The following UBTD2 variants were observed in gnomAD, a reference collection of about 807,000 sequenced individuals.
UBTD2 encodes ubiquitin domain-containing protein 2.
A neutral mutation model predicts 19.8 loss-of-function variants in UBTD2; 9 were observed. The ratio of observed to expected loss-of-function variants is 0.46; its 90% CI spans 0.27 to 0.79. UBTD2 has a LOEUF of 0.79. UBTD2 is among the 30% of genes least tolerant of loss of function. The pLI is 0.14. For missense variants in UBTD2, 250 were observed against 300.4 expected (o/e 0.83, Z 1.24); for synonymous variants, 98 against 103.9 (o/e 0.94, Z 0.35).
rs1223132253 is a variant in UBTD2 at position 172,234,248 on chromosome 5, C to T, written c.181G>A (p.Ala61Thr). The change falls in exon 2 of 3, where the codon GCA becomes ACA. Residue 61 changes from alanine to threonine, a missense_variant. Ala to Thr is a moderately conservative substitution (Grantham distance 58, BLOSUM62 0). Coordinates refer to ENST00000393792, the MANE Select transcript of UBTD2 (RefSeq NM_152277.3). The part of the protein sequence containing the change: ...RSKRDEFWDT[A>T]PAFEGRKEIW... The stretch of plus-strand genomic sequence containing the variant: ...TCTTTCCGGCCTTCAAAAGCTGGTG[C>T]TGTATCCCAAAATTCATCCCTCTTG... 6.2e-7 allele frequency: 1 copy of T among 1,614,202 alleles called. No homozygotes were observed. Among genetic ancestry groups the T allele is most frequent in the East Asian group, 2.2e-5 (1 of 44,878 alleles).
Position 172,255,219 on chromosome 5 carries a change from A to G in UBTD2, c.71-20861T>C, listed in dbSNP as rs76336315. 734 of 446,168 alleles carry G rather than the reference A, an allele frequency of 1.6e-3. 2 individuals carry two copies. Among genetic ancestry groups the G allele is most frequent in the African/African-American group, 0.013 (620 of 49,388 alleles). The allele number at this position is 446,168 out of a possible 1,614,324, so 27.6% of individuals were successfully genotyped here. A position where few individuals can be genotyped will look rare whatever the true frequency, so the allele number is the denominator to read the frequency against. On this transcript the variant is annotated intron_variant, in intron 1 of 2. Coordinates refer to ENST00000393792, the MANE Select transcript of UBTD2 (RefSeq NM_152277.3). Reference sequence around the variant, plus strand: ...AGGGGTGCAAATTCCCAGCAGAAGGAGGTGAACTCCGCTTGCTCACCATGA... The same window carrying G: ...AGGGGTGCAAATTCCCAGCAGAAGGGGGTGAACTCCGCTTGCTCACCATGA...
At chr5:172,217,814 G>T in intron 2 of UBTD2, among the ~76,000 whole-genome samples, 1 of 152,140 alleles carries the variant, frequency 6.6e-6, no homozygotes, top group East Asian at 1.9e-4. Context: ...TAATGGGTAT[G>T]CACCTAACCG....
rs1755770123 is a variant in UBTD2 at position 172,283,593 on chromosome 5, T to A, written c.70+3A>T. 7.7e-7 allele frequency: 1 copy of A among 1,305,318 alleles called. No homozygotes were observed. The highest frequency in any genetic ancestry group is 2.5e-5 in the South Asian group (1 of 40,524). 80.9% of individuals were successfully genotyped at this position (1,305,318 alleles called of 1,614,324 possible). The stretch of plus-strand genomic sequence containing the variant: ...CCGAGGCTGCCCCCTGGCGCTCACC[T>A]ACCTCCGGTGCCCTCCGAGTTCTCG... On this transcript the variant is annotated splice_donor_region_variant and intron_variant, in intron 1 of 2. Transcript: ENST00000393792. The surrounding 1 kb of genome is among the most constrained non-coding windows in gnomAD (Gnocchi z 4.3).
chr5:172,282,820 G>C (rs977164544), intron 1 of UBTD2, among the ~76,000 whole-genome samples: 1 of 152,152 alleles, frequency 6.6e-6, no homozygotes, highest in Non-Finnish European at 1.5e-5. Context: ...GTGCGTTCCC[G>C]TGTTAGAAAA....
At position 172,210,246 on chromosome 5, in the gene UBTD2, A is replaced by G. The variant is rs1225986140; in HGVS notation, c.*1584T>C. The G allele has an allele frequency of 6.6e-6, 1 of 152,252 alleles. No individual in the cohort carries two copies. Among genetic ancestry groups the G allele is most frequent in the African/African-American group, 2.4e-5 (1 of 41,476 alleles). 9.4% of individuals were successfully genotyped at this position (152,252 alleles called of 1,614,324 possible). The stretch of plus-strand genomic sequence containing the variant: ...TTACAGATATATTTAATCAGGCAAT[A>G]GGAAATTCAATACCATTTAAACATT... On this transcript the variant is annotated 3_prime_UTR_variant, in exon 3 of 3. Coordinates refer to ENST00000393792, the MANE Select transcript of UBTD2 (RefSeq NM_152277.3).
chr5:172,215,042 G>C (rs1771516139), intron 2 of UBTD2, among the ~76,000 whole-genome samples: 1 of 152,196 alleles, frequency 6.6e-6, no homozygotes, highest in Admixed American at 6.5e-5. Flanking sequence ...CAGACACCCA[G>C]GAGCTGAAAT....
chr5:172,229,437 C>T (rs1441856936), intron 2 of UBTD2, among the ~76,000 whole-genome samples: 2 of 133,662 alleles, frequency 1.5e-5, no homozygotes, highest in South Asian at 2.4e-4. Context: ...GGAGGTGGAG[C>T]TTGCAGTGAG....
At chr5:172,241,052 CTTTTTTT>C (rs35160270) in intron 1 of UBTD2, among the ~76,000 whole-genome samples, 1 of 147,332 alleles carries the variant, frequency 6.8e-6, no homozygotes. Flanking sequence ...CATGAGTTAA[CTTTTTTT>C]TTTTTTTATT....
intron 1 of UBTD2, among the ~76,000 whole-genome samples, chr5:172,266,609 G>A (rs1023689270): frequency 6.6e-6 from 1 of 152,204 alleles, no homozygotes; most frequent in Non-Finnish European, 1.5e-5. Flanking sequence ...CCCAAGAGAG[G>A]AATGAGAAAA....
intron 2 of UBTD2, among the ~76,000 whole-genome samples, chr5:172,217,338 G>T (rs1771563434): frequency 6.7e-6 from 1 of 149,690 alleles, no homozygotes. Context: ...AGAATGGCAT[G>T]AACCCGGGAG....
At chr5:172,238,077 T>C (rs966055540) in intron 1 of UBTD2, among the ~76,000 whole-genome samples, 7 of 152,236 alleles carry the variant, frequency 4.6e-5, no homozygotes, top group Non-Finnish European at 1.0e-4. Flanking sequence ...ACATAGATTA[T>C]CAGCCTGGCA....
chr5:172,232,533 T>C (rs991406128), intron 2 of UBTD2, among the ~76,000 whole-genome samples: 1 of 152,024 alleles, frequency 6.6e-6, no homozygotes, highest in Admixed American at 6.6e-5. Context: ...AGAAAACTAA[T>C]GGTGATTTGG....
chr5:172,270,995 T>G (rs1234827090), intron 1 of UBTD2, among the ~76,000 whole-genome samples: 1 of 152,158 alleles, frequency 6.6e-6, no homozygotes, highest in African/African-American at 2.4e-5. Context: ...TCTTAATAAC[T>G]TCACATTTCA....
chr5:172,239,555 G>A (rs144161442), intron 1 of UBTD2, among the ~76,000 whole-genome samples: 45,275 of 151,346 alleles, frequency 0.3, 6,811 homozygotes, highest in South Asian at 0.42. Context: ...CGAGTAGCCG[G>A]GATTACAGGC....
At chr5:172,255,628 C>T (rs868508978) in intron 1 of UBTD2, among the ~76,000 whole-genome samples, 1 of 152,094 alleles carries the variant, frequency 6.6e-6, no homozygotes, top group East Asian at 1.9e-4. Context: ...CCCTGCGTTC[C>T]GGCTGGGGCC....
rs188120429 is a variant in UBTD2 at position 172,272,186 on chromosome 5, C to T, written c.70+11410G>A. Among the ~76,000 whole-genome samples, 19 of 152,340 alleles carry T rather than the reference C, an allele frequency of 1.2e-4. No individual in the cohort carries two copies. The South Asian group carries it at 1.9e-3, about 15-fold the overall frequency. On this transcript the variant is annotated intron_variant, in intron 1 of 2. Coordinates refer to ENST00000393792, the MANE Select transcript of UBTD2 (RefSeq NM_152277.3). ...ATGTACACTCAGCAGTATTTAACCG[C>T]TCAGCTCAATATACGGATATATTAA...
chr5:172,229,845 T>C (rs1771854709), intron 2 of UBTD2, among the ~76,000 whole-genome samples: 1 of 152,198 alleles, frequency 6.6e-6, no homozygotes, highest in Non-Finnish European at 1.5e-5. Context: ...GTTTTTTTCT[T>C]ACCCTGTTTA....
At chr5:172,220,209 C>T (rs1298309381) in intron 2 of UBTD2, among the ~76,000 whole-genome samples, 1 of 152,082 alleles carries the variant, frequency 6.6e-6, no homozygotes, top group African/African-American at 2.4e-5. Context: ...TCCATAATAT[C>T]AATAGGCTAA....
chr5:172,216,344 A>G (rs1771542297), intron 2 of UBTD2, among the ~76,000 whole-genome samples: 1 of 152,002 alleles, frequency 6.6e-6, no homozygotes, highest in Admixed American at 6.6e-5. Flanking sequence ...AACAGGAAAA[A>G]TATTTGAAAT....
Sources: gnomAD v4.1 joint callset for allele counts (sites outside exome capture counted in the v4.1 genomes callset) on GRCh38, gnomAD v4.1.1 for gene constraint, Gnocchi (gnomAD v3.1) non-coding constraint, MANE v1.5 for transcripts, NCBI Gene and HGNC (gene_info 2026-07-23, HGNC 2026-07-21) for gene names.